CA10: variants seen among roughly 807,000 people sequenced by gnomAD.
CA10 encodes carbonic anhydrase-related protein 10.
Under a neutral mutation model 44.2 loss-of-function variants are expected in CA10, and 14 were observed. The observed-to-expected ratio is 0.32, with a 90% CI of 0.21 to 0.50. CA10 has a LOEUF of 0.50. CA10 is among the 20% of genes least tolerant of loss of function. The pLI is 0.99. For synonymous variants in CA10, 159 were observed against 141.6 expected (o/e 1.12, Z -0.87); for missense variants, 350 against 409.7 (o/e 0.85, Z 1.26).
chr17:51,814,819 C>A (rs974291147), intron 3 of CA10, among the ~76,000 whole-genome samples: 4 of 152,156 alleles, frequency 2.6e-5, no homozygotes, highest in Non-Finnish European at 4.4e-5. Context: ...TGGAGCTGGG[C>A]AACCACTCCA....
intron 6 of CA10, among the ~76,000 whole-genome samples, chr17:51,637,803 C>T (rs562260490): frequency 8.5e-5 from 13 of 152,322 alleles, no homozygotes; most frequent in East Asian, 1.9e-4. Context: ...TCAGCTCTTC[C>T]GACCTCCAGA....
chr17:52,012,022 C>A (rs1002633400), intron 2 of CA10, among the ~76,000 whole-genome samples: 4 of 151,930 alleles, frequency 2.6e-5, no homozygotes, highest in African/African-American at 9.7e-5. Flanking sequence ...GAGGGATTAG[C>A]CAAGGAGACC....
At chr17:51,675,442 C>T (rs918427231) in intron 4 of CA10, among the ~76,000 whole-genome samples, 2 of 151,972 alleles carry the variant, frequency 1.3e-5, no homozygotes, top group Non-Finnish European at 2.9e-5. Flanking sequence ...TGCCTGTAGT[C>T]CCAGCTACTC....
intron 2 of CA10, among the ~76,000 whole-genome samples, chr17:52,032,146 T>C (rs1986486613): frequency 6.6e-6 from 1 of 152,220 alleles, no homozygotes. Flanking sequence ...GTGAATGCTT[T>C]AAATCCCAGA....
intron 4 of CA10, among the ~76,000 whole-genome samples, chr17:51,710,148 G>A (rs1036594219): frequency 7.2e-5 from 11 of 152,162 alleles, no homozygotes; most frequent in South Asian, 2.1e-4. Flanking sequence ...ACTGGAGGGC[G>A]GTTTGATCTA....
At chr17:51,670,792 G>T (rs982100683) in intron 4 of CA10, among the ~76,000 whole-genome samples, 1 of 152,130 alleles carries the variant, frequency 6.6e-6, no homozygotes, top group African/African-American at 2.4e-5. Context: ...AAAAATCGAC[G>T]TATGAGAACC....
intron 2 of CA10, among the ~76,000 whole-genome samples, chr17:51,931,741 T>C (rs1050642851): frequency 6.6e-6 from 1 of 152,132 alleles, no homozygotes; most frequent in African/African-American, 2.4e-5. Flanking sequence ...AGAATTGGTG[T>C]TCATTTGATA....
intron 3 of CA10, among the ~76,000 whole-genome samples, chr17:51,879,227 C>A (rs1230773243): frequency 1.3e-5 from 2 of 152,048 alleles, no homozygotes; most frequent in Admixed American, 6.6e-5. Context: ...TTATTGTCCA[C>A]TGAACATGGT....
intron 4 of CA10, among the ~76,000 whole-genome samples, chr17:51,732,691 T>C (rs891276046): frequency 3.9e-5 from 6 of 152,130 alleles, no homozygotes; most frequent in Non-Finnish European, 8.8e-5. Context: ...AGAGAGGACA[T>C]CAGATCCTCT....
intron 1 of CA10, chr17:52,134,874 C>T (rs1989318689): frequency 1.9e-6 from 1 of 518,896 alleles, no homozygotes; most frequent in Non-Finnish European, 3.8e-6. Context: ...CTCCTTCTGA[C>T]TCACCATTCT....
chr17:52,129,714 T>C (rs1989192625), intron 1 of CA10, among the ~76,000 whole-genome samples: 1 of 152,200 alleles, frequency 6.6e-6, no homozygotes, highest in Non-Finnish European at 1.5e-5. Context: ...CCCATGGGCT[T>C]TTCAGTGTCC....
chr17:52,089,147 T>C (rs181876331), intron 1 of CA10, among the ~76,000 whole-genome samples: 11 of 152,336 alleles, frequency 7.2e-5, no homozygotes, highest in Admixed American at 7.2e-4. Context: ...AATGTTGTAC[T>C]CTAATTTTCA....
chr17:52,130,694 T>A (rs1226636088), intron 1 of CA10, among the ~76,000 whole-genome samples: 2 of 152,112 alleles, frequency 1.3e-5, no homozygotes, highest in African/African-American at 4.8e-5. Context: ...TGTCTTTTTT[T>A]CTTCTTTCTT....
intron 2 of CA10, among the ~76,000 whole-genome samples, chr17:52,039,655 T>A (rs1264502837): frequency 6.6e-6 from 1 of 152,106 alleles, no homozygotes; most frequent in Non-Finnish European, 1.5e-5. Context: ...AGAAATCAAT[T>A]TCTTTGTCAT....
At chr17:51,945,203 CAAG>C (rs2144023111) in intron 2 of CA10, among the ~76,000 whole-genome samples, 1 of 152,198 alleles carries the variant, frequency 6.6e-6, no homozygotes, top group South Asian at 2.1e-4. Flanking sequence ...ATTCCAATCT[CAAG>C]AAAAATTGCA....
At chr17:51,667,140 T>C (rs9912507) in intron 4 of CA10, among the ~76,000 whole-genome samples, 99,001 of 152,072 alleles carry the variant, frequency 0.65, 32,487 homozygotes, top group Admixed American at 0.68. Flanking sequence ...ATCTGTTTTA[T>C]GGGCTCTTAC....
rs1459490781 is a variant in CA10 at position 51,893,552 on chromosome 17, T to C, written c.279+37438A>G. On this transcript the variant is annotated intron_variant, in intron 3 of 8. Coordinates refer to ENST00000451037, the MANE Select transcript of CA10 (RefSeq NM_020178.5). ...TAGAAATAGGAAAAGCTAAGGTCCATGGAAATGAATTCTCTGACCTTCAGA... is the reference window on the plus strand; with the variant it reads ...TAGAAATAGGAAAAGCTAAGGTCCACGGAAATGAATTCTCTGACCTTCAGA... 2.6e-5 allele frequency among the ~76,000 whole-genome samples: 4 copies of C among 152,156 alleles called. No individual in the cohort carries two copies. The East Asian group carries it at 5.8e-4, about 22-fold the overall frequency.
At chr17:51,823,788 C>T (rs1907907562) in intron 3 of CA10, among the ~76,000 whole-genome samples, 1 of 152,200 alleles carries the variant, frequency 6.6e-6, no homozygotes, top group South Asian at 2.1e-4. Flanking sequence ...CCCAACCTGT[C>T]ATTCCAAACT....
intron 4 of CA10, among the ~76,000 whole-genome samples, chr17:51,747,241 G>T (rs1363333147): frequency 3.3e-5 from 5 of 152,202 alleles, no homozygotes; most frequent in Non-Finnish European, 7.3e-5. Context: ...ATATTCAAAA[G>T]AAAAGTTATG....
Sources: allele counts gnomAD v4.1 joint callset (sites outside exome capture counted in the v4.1 genomes callset), GRCh38; gene constraint gnomAD v4.1.1; transcripts MANE v1.5; gene names NCBI Gene and HGNC (gene_info 2026-07-23, HGNC 2026-07-21).